SCART1: variants seen among roughly 807,000 people sequenced by gnomAD.
SCART1 encodes scavenger receptor cysteine-rich domain-containing protein SCART1.
A neutral mutation model predicts 36.2 loss-of-function variants in SCART1; 62 were observed. That is an observed-to-expected ratio of 1.71 (90% confidence interval 1.40 to 2.12). SCART1 has a LOEUF of 2.12. SCART1 is among the 30% of genes most tolerant of loss of function. SCART1 has a pLI of 0.00. For synonymous variants in SCART1, 487 were observed against 238.7 expected (o/e 2.04, Z -9.59); for missense variants, 1,041 against 540.5 (o/e 1.93, Z -9.18).
At chr10:133,464,665 T>C in exon 7 of SCART1, 1 of 690,792 alleles carries the variant, frequency 1.4e-6, no homozygotes. Flanking sequence ...GCTGGACGTG[T>C]TCTACAATGG....
intron 1 of SCART1, among the ~76,000 whole-genome samples, chr10:133,455,027 G>A (rs981632506): frequency 6.6e-6 from 1 of 152,166 alleles, no homozygotes; most frequent in Non-Finnish European, 1.5e-5. Context: ...AGCACTTTGG[G>A]AGGCTGAGGC....
chr10:133,460,491 TATA>T (rs1850686775), intron 6 of SCART1, among the ~76,000 whole-genome samples: 2 of 144,206 alleles, frequency 1.4e-5, no homozygotes, highest in South Asian at 2.3e-4. Context: ...TATATATATT[TATA>T]TATTTTAAAA....
rs764637417 is a variant in SCART1, at chr10:133,458,456, C to CCACG, written c.780_783dup (p.Ala262HisfsTer78). 2 of 696,572 alleles carry CCACG rather than the reference C, an allele frequency of 2.9e-6. No individual in the cohort carries two copies. Among genetic ancestry groups the CCACG allele is most frequent in the East Asian group, 2.7e-5 (1 of 37,120 alleles). The allele number at this position is 696,572 out of a possible 1,614,324, so 43.1% of individuals were successfully genotyped here. On this transcript the variant is annotated frameshift_variant, in exon 4 of 12. Coordinates refer to ENST00000640237, the Ensembl canonical transcript of SCART1. LOFTEE classifies it high-confidence loss of function. ...GTCTGTGATGCGGCCCTGGACCTGGCCACGGCCCACGTGGTGTGCCGGGAG... is the reference window on the plus strand; with the variant it reads ...GTCTGTGATGCGGCCCTGGACCTGGCCACGCACGGCCCACGTGGTGTGCCGGGAG...
At chr10:133,459,078 A>G (rs1255064533) in exon 5 of SCART1, 3 of 702,060 alleles carry the variant, frequency 4.3e-6, no homozygotes, top group Admixed American at 4.0e-5. Flanking sequence ...TTCCAGGTGC[A>G]GGGGTCCTGG....
chr10:133,454,863 G>T (rs556707425), intron 1 of SCART1, among the ~76,000 whole-genome samples: 4 of 152,188 alleles, frequency 2.6e-5, no homozygotes, highest in African/African-American at 9.7e-5. Flanking sequence ...TGTGGCCACA[G>T]ATGGATGGAA....
intron 4 of SCART1, 71 bp downstream of exon 4, chr10:133,458,727 A>G: frequency 1.5e-6 from 1 of 688,122 alleles, no homozygotes; most frequent in Non-Finnish European, 2.6e-6. Flanking sequence ...TCGTGCCCTA[A>G]AGGTGCCTCT....
chr10:133,465,260 C>T (rs1411555584), exon 9 of SCART1: 1 of 694,024 alleles, frequency 1.4e-6, no homozygotes, highest in South Asian at 1.5e-5. Flanking sequence ...GAGGAGGGCG[C>T]ACTGCGCGTG....
chr10:133,455,724 G>A (rs1850600682), intron 1 of SCART1, among the ~76,000 whole-genome samples: 1 of 152,164 alleles, frequency 6.6e-6, no homozygotes, highest in East Asian at 1.9e-4. Flanking sequence ...GTATGGGTGG[G>A]GTAGTGGGGC....
intron 1 of SCART1, among the ~76,000 whole-genome samples, chr10:133,455,845 C>A (rs12251494): frequency 6.6e-6 from 1 of 151,744 alleles, no homozygotes; most frequent in African/African-American, 2.4e-5. Context: ...TGGACAGTCA[C>A]GTGGGTGGGG....
intron 3 of SCART1, chr10:133,457,968 T>C (rs918605059): frequency 1.9e-5 from 10 of 513,540 alleles, no homozygotes; most frequent in African/African-American, 1.5e-4. Flanking sequence ...GTTGTGCATA[T>C]GAGGAGCAGC....
rs529096795 is a variant in SCART1 at position 133,457,655 on chromosome 10, G to GT, written c.682+81dup. On this transcript the variant is annotated intron_variant, in intron 3 of 11. Coordinates refer to ENST00000640237, the Ensembl canonical transcript of SCART1. ...CCTGGGGAGGGCAGGGAGAAGGGGG[G>GT]TGGGCGTTCCCACGGATGGGCCCCC... is the stretch of plus-strand genomic sequence containing the variant. 1.1e-3 allele frequency: 630 copies of GT among 598,134 alleles called. 4 individuals carry two copies. Among genetic ancestry groups the GT allele is most frequent in the African/African-American group, 0.01 (533 of 53,284 alleles). The allele number at this position is 598,134 out of a possible 1,614,324, so 37.1% of individuals were successfully genotyped here.
intron 6 of SCART1, among the ~76,000 whole-genome samples, chr10:133,463,329 C>T (rs911380452): frequency 3.3e-5 from 5 of 152,114 alleles, no homozygotes; most frequent in African/African-American, 1.2e-4. Context: ...CTAAAATCTA[C>T]TTTCCTAGCA....
chr10:133,454,183 C>T (rs2133547634), intron 1 of SCART1, 119 bp downstream of exon 1: 1 of 674,844 alleles, frequency 1.5e-6, no homozygotes, highest in East Asian at 2.7e-5. Flanking sequence ...TCTCACTCAG[C>T]CCAGAGTGGG....
At chr10:133,464,853 C>T in exon 7 of SCART1, 1 of 702,946 alleles carries the variant, frequency 1.4e-6, no homozygotes, top group Non-Finnish European at 2.6e-6. Context: ...CCCAACTCCA[C>T]TCTGTGGCAA....
exon 6 of SCART1, chr10:133,459,835 G>A (rs1308355268): frequency 1.0e-5 from 6 of 571,568 alleles, no homozygotes; most frequent in South Asian, 2.1e-5. Context: ...CCCATGGCCC[G>A]TCGCCACGGG....
chr10:133,454,027 C>T (rs1280958688), exon 1 of SCART1: 11 of 702,860 alleles, frequency 1.6e-5, no homozygotes, highest in East Asian at 5.4e-5. Context: ...CCCTGGGACT[C>T]GGGCCCCTTC....
In SCART1 at chr10:133,467,880, A is replaced by C. The variant is rs1014676693; in HGVS notation, c.2996A>C (p.Gln999Pro). Residue 999 changes from glutamine to proline, a missense_variant, in exon 12 of 12, where the codon CAG becomes CCG. By Grantham distance (76) the Gln-to-Pro change is moderately conservative. Transcript: ENST00000640237. ...GAGGTGTCTAACCTCCTGGAGGGAC[A>C]GTCTATACGTGCGGAGGGAGGACAC... 3 of 694,862 alleles carry C rather than the reference A, an allele frequency of 4.3e-6. No homozygotes were observed. In the East Asian group the frequency reaches 8.1e-5, roughly 19 times the overall value. The allele number at this position is 694,862 out of a possible 1,614,324, so 43.0% of individuals were successfully genotyped here.
chr10:133,467,051 A>C (rs2133560308), intron 10 of SCART1, 147 bp from the exon 11 acceptor site: 1 of 544,264 alleles, frequency 1.8e-6, no homozygotes, highest in East Asian at 3.1e-5. Flanking sequence ...GAGTCTGGCT[A>C]TGTTGCCGTG....
At chr10:133,454,372 G>A (rs990519106) in intron 1 of SCART1, among the ~76,000 whole-genome samples, 1 of 151,728 alleles carries the variant, frequency 6.6e-6, no homozygotes, top group Non-Finnish European at 1.5e-5. Context: ...ACAGAGTCCT[G>A]AGGGGTCCTG....
Sources: allele counts gnomAD v4.1 joint callset (sites outside exome capture counted in the v4.1 genomes callset), GRCh38; gene constraint gnomAD v4.1.1; transcripts MANE v1.5; gene names NCBI Gene and HGNC (gene_info 2026-07-23, HGNC 2026-07-21).